The following ZNF527 variants were observed in gnomAD, a reference collection of about 807,000 sequenced individuals.
ZNF527 encodes the protein zinc finger protein 527.
In ZNF527, 5 loss-of-function variants were observed where a neutral mutation model predicts 13.5. That is an observed-to-expected ratio of 0.37 (90% CI 0.19 to 0.78). The LOEUF (loss-of-function observed/expected upper bound fraction) is 0.78. Ranked by LOEUF, ZNF527 falls within the 30% of genes least tolerant of loss-of-function variation. The pLI, the probability that ZNF527 is intolerant of heterozygous loss-of-function variation, is 0.48. For missense variants in ZNF527, 628 were observed against 726.4 expected (o/e 0.86, Z 1.56); for synonymous variants, 209 against 243.1 (o/e 0.86, Z 1.30).
chr19:37,383,769 C>T (rs957016657), intron 4 of ZNF527, among the ~76,000 whole-genome samples: 1 of 151,642 alleles, frequency 6.6e-6, no homozygotes, highest in Non-Finnish European at 1.5e-5. Flanking sequence ...GAACTCCTGA[C>T]CTTGTGATCC....
intron 4 of ZNF527, chr19:37,384,809 G>C: frequency 1.6e-6 from 1 of 609,060 alleles, no homozygotes; most frequent in Non-Finnish European, 3.0e-6. Flanking sequence ...TGTCTATAAA[G>C]TTTTTCTCTT....
intron 3 of ZNF527, chr19:37,379,458 TTC>T: frequency 1.7e-5 from 6 of 346,456 alleles, no homozygotes; most frequent in Non-Finnish European, 2.0e-5. Flanking sequence ...ATGAAGTAAT[TTC>T]TTTTTTTTTT....
intron 4 of ZNF527, chr19:37,385,063 C>T (rs763226020): frequency 2.6e-5 from 15 of 580,416 alleles, no homozygotes; most frequent in Admixed American, 2.4e-4. Context: ...TGGGCTCAAG[C>T]GATCCTCCCA....
At chr19:37,372,279 G>C (rs1268668228) in intron 1 of ZNF527, among the ~76,000 whole-genome samples, 2 of 151,880 alleles carry the variant, frequency 1.3e-5, no homozygotes, top group Admixed American at 6.6e-5. Context: ...GATTACAGGC[G>C]TGAGGCGCTG....
rs2040573367 is a variant in ZNF527, at chr19:37,373,247, G to T, written c.-41-911G>T. Among the ~76,000 whole-genome samples the T allele has an allele frequency of 1.3e-5, 2 of 152,210 alleles. 1 individual carries two copies. Among genetic ancestry groups the T allele is most frequent in the South Asian group, 4.1e-4 (2 of 4,826 alleles). ...TACGGCTGTGTGTGTGAGAGAGAGA[G>T]ATTATGCCACCGATTGTGTAAATGT... is the stretch of plus-strand genomic sequence containing the variant. On this transcript the variant is annotated intron_variant, in intron 1 of 4. Transcript: ENST00000436120.
chr19:37,374,347 C>CT, intron 2 of ZNF527, 116 bp downstream of exon 2: 1 of 925,524 alleles, frequency 1.1e-6, no homozygotes, highest in Non-Finnish European at 1.7e-6. Context: ...CTCTCTCCAC[C>CT]TTTTGTTCAT....
At chr19:37,383,411 A>T (rs191041765) in intron 4 of ZNF527, among the ~76,000 whole-genome samples, 2,055 of 148,592 alleles carry the variant, frequency 0.014, 43 homozygotes, top group East Asian at 0.056. Context: ...AATTTTTGTA[A>T]TTTTAGTAGA....
chr19:37,388,196 G>C, intron 4 of ZNF527, 110 bp from the exon 5 acceptor site: 3 of 1,290,766 alleles, frequency 2.3e-6, no homozygotes, highest in Non-Finnish European at 3.2e-6. Context: ...TAGAACCACA[G>C]ACTTTCTACC....
chr19:37,380,964 T>A (rs999145425), intron 4 of ZNF527, among the ~76,000 whole-genome samples: 3 of 152,182 alleles, frequency 2.0e-5, no homozygotes, highest in Non-Finnish European at 4.4e-5. Flanking sequence ...GGTATCTTCT[T>A]ATAAGAAAAT....
chr19:37,385,012 G>T, intron 4 of ZNF527: 1 of 700,234 alleles, frequency 1.4e-6, no homozygotes, highest in South Asian at 1.5e-5. Context: ...TTCTTGTAGA[G>T]ACGAGGTCTC....
intron 2 of ZNF527, among the ~76,000 whole-genome samples, chr19:37,377,330 G>A (rs1338431484): frequency 6.6e-6 from 1 of 152,160 alleles, no homozygotes; most frequent in Admixed American, 6.5e-5. Flanking sequence ...ATACAGGTAT[G>A]AGTACAGATA....
Position 37,388,702 on chromosome 19 carries a change from C to A in ZNF527, c.653C>A (p.Ser218Tyr), listed in dbSNP as rs1366409074. 1 of 1,611,284 alleles carries A rather than the reference C, an allele frequency of 6.2e-7. No homozygotes were observed. Among genetic ancestry groups the A allele is most frequent in the African/African-American group, 1.3e-5 (1 of 74,624 alleles). ...AAAAGACTCCATGCTGAGAAGGAATCTTTGATAGGTAATGAATGTGAAGAA... is the reference window on the plus strand; with the variant it reads ...AAAAGACTCCATGCTGAGAAGGAATATTTGATAGGTAATGAATGTGAAGAA... The part of the protein sequence containing the change: ...EYKRLHAEKE[S>Y]LIGNECEEFN... Residue 218 changes from serine to tyrosine, a missense_variant, in exon 5 of 5, where the codon TCT (serine) becomes TAT (tyrosine). Coordinates refer to ENST00000436120, the MANE Select transcript of ZNF527 (RefSeq NM_032453.2).
Position 37,390,292 on chromosome 19 carries a change from G to A in ZNF527, c.*413G>A, listed in dbSNP as rs1233948085. On this transcript the variant is annotated 3_prime_UTR_variant, in exon 5 of 5. Coordinates refer to ENST00000436120, the MANE Select transcript of ZNF527 (RefSeq NM_032453.2). Reference sequence around the variant, plus strand: ...GATCCACACGCCTCAGACTCCCAAAGTGCTGGGATTATGGGCGTGAGCCAC... The same window carrying A: ...GATCCACACGCCTCAGACTCCCAAAATGCTGGGATTATGGGCGTGAGCCAC... 1 of 170,752 alleles carries A rather than the reference G, an allele frequency of 5.9e-6. No homozygotes were observed. The highest frequency in any genetic ancestry group is 1.3e-5 in the Non-Finnish European group (1 of 79,026). 10.6% of individuals were successfully genotyped at this position (170,752 alleles called of 1,614,324 possible).
In ZNF527 at chr19:37,389,298, A is replaced by C. The variant is rs770879647; in HGVS notation, c.1249A>C (p.Asn417His). Residue 417 changes from asparagine to histidine, a missense_variant, in exon 5 of 5, where the codon AAT becomes CAT. Asn to His is a moderately conservative substitution (Grantham distance 68). This residue lies in a region of ZNF527 where 592 missense variants were observed against 678.0 expected (regional missense o/e 0.87). Transcript: ENST00000436120. ...IHTGEKPYECNQCGKAFSRRI... is the reference protein window; with the variant it reads ...IHTGEKPYECHQCGKAFSRRI... Reference sequence around the variant, plus strand: ...CACTGGAGAGAAACCCTATGAATGTAATCAGTGTGGAAAAGCCTTCAGCAG... The same window carrying C: ...CACTGGAGAGAAACCCTATGAATGTCATCAGTGTGGAAAAGCCTTCAGCAG... The C allele has an allele frequency of 7.4e-6, 12 of 1,614,234 alleles. No homozygotes were observed. The highest frequency in any genetic ancestry group is 1.0e-5 in the Non-Finnish European group (12 of 1,180,034).
chr19:37,389,278 G>T lies in ZNF527; in HGVS notation c.1229G>T (p.Gly410Val). ...AATCAACATCAGAGGATTCACACTGGAGAGAAACCCTATGAATGTAATCAG... is the reference window on the plus strand; with the variant it reads ...AATCAACATCAGAGGATTCACACTGTAGAGAAACCCTATGAATGTAATCAG... ...HLNQHQRIHT[G>V]EKPYECNQCG... Residue 410 changes from glycine to valine, a missense_variant, in exon 5 of 5, where the codon GGA becomes GTA. Gly to Val is a moderately radical substitution (Grantham distance 109). Coordinates refer to ENST00000436120, the MANE Select transcript of ZNF527 (RefSeq NM_032453.2). The T allele has an allele frequency of 6.2e-7, 1 of 1,614,182 alleles. No individual in the cohort carries two copies. Among genetic ancestry groups the T allele is most frequent in the Non-Finnish European group, 8.5e-7 (1 of 1,180,034 alleles).
At chr19:37,371,451 C>G (rs982278885) in intron 1 of ZNF527, among the ~76,000 whole-genome samples, 1 of 152,130 alleles carries the variant, frequency 6.6e-6, no homozygotes, top group African/African-American at 2.4e-5. Flanking sequence ...CTGTAACCAT[C>G]TGTGTCTGGG....
Position 37,389,934 on chromosome 19 carries a change from A to G in ZNF527, c.*55A>G. 2.7e-6 allele frequency: 4 copies of G among 1,507,410 alleles called. No homozygotes were observed. The highest frequency in any genetic ancestry group is 3.5e-6 in the Non-Finnish European group (4 of 1,136,982). 93.4% of individuals were successfully genotyped at this position (1,507,410 alleles called of 1,614,324 possible). On this transcript the variant is annotated 3_prime_UTR_variant, in exon 5 of 5. Transcript: ENST00000436120. ...GGTTACCACTCAATCCTTATTAAATATTAGTGAGTTCTTTTTGGTTAGTAA... is the reference window on the plus strand; with the variant it reads ...GGTTACCACTCAATCCTTATTAAATGTTAGTGAGTTCTTTTTGGTTAGTAA...
rs1488242777 is a variant in ZNF527 at position 37,388,610 on chromosome 19, A to G, written c.561A>G (p.Ile187Met). ...TAACACAACAGAAAGTTCCTACCAT[A>G]CAGCAAGTACATAAATTTGATATTT... Reference protein sequence around the residue: ...VFLTQQKVPTIQQVHKFDIYD... With the variant: ...VFLTQQKVPTMQQVHKFDIYD... The change falls in exon 5 of 5, where the codon ATA becomes ATG. Residue 187 changes from isoleucine (I) to methionine (M), a missense_variant. Physicochemically the swap from Ile to Met is conservative, Grantham distance 10 (BLOSUM62 1). This residue lies in a region of ZNF527 where 592 missense variants were observed against 678.0 expected (regional missense o/e 0.87). Transcript: ENST00000436120. The G allele has an allele frequency of 6.2e-7, 1 of 1,613,978 alleles. No individual in the cohort carries two copies. Among genetic ancestry groups the G allele is most frequent in the Non-Finnish European group, 8.5e-7 (1 of 1,179,984 alleles).
intron 2 of ZNF527, among the ~76,000 whole-genome samples, chr19:37,375,322 T>C (rs1016096810): frequency 2.3e-4 from 33 of 146,384 alleles, no homozygotes; most frequent in South Asian, 8.5e-4. Context: ...TTTCTTTCTT[T>C]CTTTCTTTCT....
Sources: allele counts gnomAD v4.1 joint callset (sites outside exome capture counted in the v4.1 genomes callset), GRCh38; gene constraint gnomAD v4.1.1; regional missense constraint gnomAD v4.1.1; transcripts MANE v1.5; gene names NCBI Gene and HGNC (gene_info 2026-07-23, HGNC 2026-07-21).